Variants in GHR observed in about 807,000 individuals in gnomAD.
GHR encodes the protein GH receptor.
GHR carries 35 observed loss-of-function variants against 67.1 expected under a neutral mutation model. That is an observed-to-expected ratio of 0.52 (90% confidence interval 0.40 to 0.69). The LOEUF (loss-of-function observed/expected upper bound fraction) is 0.69, where lower values mean the gene tolerates loss of function less well. Among genes scored for constraint, GHR ranks in the 30% least tolerant of loss-of-function variants. GHR has a pLI of 0.00. For missense variants in GHR, 792 were observed against 764.6 expected (o/e 1.04, Z -0.42); for synonymous variants, 272 against 269.1 (o/e 1.01, Z -0.10).
chr5:42,531,669 T>C (rs763999567), intron 1 of GHR, among the ~76,000 whole-genome samples: 36 of 152,320 alleles, frequency 2.4e-4, no homozygotes, highest in South Asian at 4.1e-4. Context: ...ATATTATTAT[T>C]TTGATGTTTC....
At chr5:42,716,363 A>C (rs1758723615) in intron 8 of GHR, among the ~76,000 whole-genome samples, 1 of 152,168 alleles carries the variant, frequency 6.6e-6, no homozygotes, top group Admixed American at 6.5e-5. Flanking sequence ...GATTAAGTGA[A>C]ATGTTTAGTG....
chr5:42,700,886 C>CT (rs1757899541), intron 6 of GHR, among the ~76,000 whole-genome samples: 1 of 152,136 alleles, frequency 6.6e-6, no homozygotes, highest in South Asian at 2.1e-4. Context: ...CTTTGAGGCT[C>CT]TATTTTCTGA....
At chr5:42,706,536 A>C (rs1024031167) in intron 6 of GHR, among the ~76,000 whole-genome samples, 4 of 151,944 alleles carry the variant, frequency 2.6e-5, no homozygotes, top group Non-Finnish European at 4.4e-5. Context: ...TTGCATTTAA[A>C]CCTTTAATCC....
intron 1 of GHR, among the ~76,000 whole-genome samples, chr5:42,476,994 T>C (rs1745358277): frequency 6.6e-6 from 1 of 151,748 alleles, no homozygotes; most frequent in South Asian, 2.1e-4. Context: ...AACTCGTCAT[T>C]TAGCGTTAGG....
At chr5:42,556,784 A>G (rs953185250) in intron 1 of GHR, among the ~76,000 whole-genome samples, 1 of 152,204 alleles carries the variant, frequency 6.6e-6, no homozygotes, top group African/African-American at 2.4e-5. Flanking sequence ...ATAAAGTGCA[A>G]TGTGGTCCTA....
chr5:42,598,183 A>T (rs969787688), intron 2 of GHR, among the ~76,000 whole-genome samples: 10 of 152,150 alleles, frequency 6.6e-5, no homozygotes, highest in African/African-American at 2.4e-4. Flanking sequence ...AGCATAATGT[A>T]TGTAAGTATT....
intron 1 of GHR, among the ~76,000 whole-genome samples, chr5:42,485,633 T>G (rs1377909144): frequency 6.6e-6 from 1 of 152,212 alleles, no homozygotes; most frequent in Non-Finnish European, 1.5e-5. Flanking sequence ...AAACCTTGTC[T>G]TCTTTTCTTT....
intron 1 of GHR, chr5:42,465,874 T>G (rs558712370): frequency 1.4e-6 from 1 of 725,562 alleles, no homozygotes; most frequent in African/African-American, 1.7e-5. Context: ...ATTCGCCTCC[T>G]TCACCCCTTT....
chr5:42,666,313 CA>C (rs1755976201), intron 3 of GHR, among the ~76,000 whole-genome samples: 1 of 151,898 alleles, frequency 6.6e-6, no homozygotes. Flanking sequence ...CCAATATATC[CA>C]AACTATTATC....
At chr5:42,477,162 T>C (rs1237731016) in intron 1 of GHR, among the ~76,000 whole-genome samples, 1 of 151,838 alleles carries the variant, frequency 6.6e-6, no homozygotes, top group Non-Finnish European at 1.5e-5. Flanking sequence ...GATACTTTGC[T>C]GAGAATGATG....
At chr5:42,547,152 T>C (rs1579915073) in intron 1 of GHR, among the ~76,000 whole-genome samples, 2 of 152,228 alleles carry the variant, frequency 1.3e-5, no homozygotes, top group Admixed American at 6.5e-5. Context: ...TTTTCCCCTC[T>C]AAGTGTTTCT....
At chr5:42,565,334 C>T in intron 1 of GHR, 1 of 386,926 alleles carries the variant, frequency 2.6e-6, no homozygotes, top group Non-Finnish European at 3.5e-6. Context: ...TGCTTCCCTT[C>T]TAGTTAAACC....
At chr5:42,525,024 G>A (rs1747646064) in intron 1 of GHR, among the ~76,000 whole-genome samples, 2 of 152,206 alleles carry the variant, frequency 1.3e-5, no homozygotes, top group Non-Finnish European at 2.9e-5. Flanking sequence ...CCTGTGCTAG[G>A]GCAGTGCAGA....
intron 2 of GHR, among the ~76,000 whole-genome samples, chr5:42,609,677 A>G (rs1752794016): frequency 6.6e-6 from 1 of 152,208 alleles, no homozygotes; most frequent in African/African-American, 2.4e-5. Flanking sequence ...ACTGGTTCAA[A>G]GAGGGTAATA....
At chr5:42,520,128 C>A (rs1256630558) in intron 1 of GHR, among the ~76,000 whole-genome samples, 1 of 152,024 alleles carries the variant, frequency 6.6e-6, no homozygotes, top group Non-Finnish European at 1.5e-5. Context: ...AAAGGCAATC[C>A]CAGGGAATTT....
At chr5:42,627,536 A>T (rs759803324) in intron 2 of GHR, among the ~76,000 whole-genome samples, 3 of 152,228 alleles carry the variant, frequency 2.0e-5, no homozygotes, top group Non-Finnish European at 4.4e-5. Flanking sequence ...ATTTATTCTG[A>T]GCCAATATAA....
Position 42,719,375 on chromosome 5 carries a change from C to T in GHR, c.1868C>T (p.Ser623Leu). Residue 623 changes from serine (S) to leucine (L), a missense_variant, in exon 10 of 10, where the codon TCA (serine) becomes TTA (leucine). Coordinates refer to ENST00000230882, the MANE Select transcript of GHR (RefSeq NM_000163.5). ...CCCTTGCCTGACAAAGAGTTTCTCTCATCATGTGGCTATGTGAGCACAGAC... is the reference window on the plus strand; with the variant it reads ...CCCTTGCCTGACAAAGAGTTTCTCTTATCATGTGGCTATGTGAGCACAGAC... ...ALPLPDKEFL[S>L]SCGYVSTDQL... The T allele has an allele frequency of 6.2e-7, 1 of 1,613,976 alleles. No individual in the cohort carries two copies. Among genetic ancestry groups the T allele is most frequent in the Non-Finnish European group, 8.5e-7 (1 of 1,179,892 alleles).
At chr5:42,662,386 A>G (rs1405438201) in intron 3 of GHR, among the ~76,000 whole-genome samples, 1 of 152,240 alleles carries the variant, frequency 6.6e-6, no homozygotes, top group Non-Finnish European at 1.5e-5. Flanking sequence ...GGAAAAAAAC[A>G]GAAATTATAA....
chr5:42,574,306 C>T (rs1750516821), intron 2 of GHR, among the ~76,000 whole-genome samples: 1 of 152,222 alleles, frequency 6.6e-6, no homozygotes, highest in Admixed American at 6.5e-5. Context: ...ACATGAAGTG[C>T]CATACTCAGA....
Sources: gnomAD v4.1 joint callset for allele counts (sites outside exome capture counted in the v4.1 genomes callset) on GRCh38, gnomAD v4.1.1 for gene constraint, MANE v1.5 for transcripts, NCBI Gene and HGNC (gene_info 2026-07-23, HGNC 2026-07-21) for gene names.